PRMT3: variants seen among roughly 807,000 people sequenced by gnomAD.
The protein encoded by PRMT3 is protein arginine methyltransferase 3.
PRMT3 carries 62 observed loss-of-function variants against 71.9 expected under a neutral mutation model. The observed-to-expected ratio is 0.86, with a 90% CI of 0.70 to 1.07. The LOEUF (loss-of-function observed/expected upper bound fraction) is 1.07. Ranked by LOEUF, PRMT3 falls within the 50% of genes least tolerant of loss-of-function variation. The pLI is 0.00. For synonymous variants in PRMT3, 213 were observed against 220.4 expected (o/e 0.97, Z 0.30); for missense variants, 663 against 643.0 (o/e 1.03, Z -0.34).
intron 13 of PRMT3, among the ~76,000 whole-genome samples, chr11:20,485,708 T>A (rs977346969): frequency 6.6e-6 from 1 of 152,164 alleles, no homozygotes; most frequent in African/African-American, 2.4e-5. Context: ...AGAAAAGGTC[T>A]AATTACATAT....
chr11:20,411,642 G>A (rs1849194423), intron 9 of PRMT3, among the ~76,000 whole-genome samples: 2 of 152,036 alleles, frequency 1.3e-5, no homozygotes, highest in African/African-American at 4.8e-5. Flanking sequence ...TTGTGACAAA[G>A]ATCACTACTA....
At chr11:20,435,389 A>G (rs536505681) in intron 10 of PRMT3, among the ~76,000 whole-genome samples, 1 of 152,018 alleles carries the variant, frequency 6.6e-6, no homozygotes, top group Non-Finnish European at 1.5e-5. Flanking sequence ...TTCAGTAGAG[A>G]TGGGGTTTTG....
At chr11:20,476,807 A>G (rs553916991) in intron 13 of PRMT3, among the ~76,000 whole-genome samples, 1 of 152,000 alleles carries the variant, frequency 6.6e-6, no homozygotes, top group Admixed American at 6.6e-5. Flanking sequence ...GAATTCCTTG[A>G]CATTTATAAT....
intron 14 of PRMT3, 75 bp downstream of exon 14, chr11:20,494,044 G>C: frequency 6.9e-7 from 1 of 1,458,834 alleles, no homozygotes; most frequent in East Asian, 2.3e-5. Context: ...GCCCCAAGGT[G>C]TTTAATCATA....
intron 13 of PRMT3, among the ~76,000 whole-genome samples, chr11:20,465,153 T>C (rs1403445857): frequency 6.6e-6 from 1 of 152,090 alleles, no homozygotes; most frequent in Non-Finnish European, 1.5e-5. Context: ...TTTCGATGAC[T>C]CATTACATGG....
intron 2 of PRMT3, 33 bp downstream of exon 2, chr11:20,388,187 A>G (rs756728078): frequency 6.2e-7 from 1 of 1,611,724 alleles, no homozygotes; most frequent in East Asian, 2.2e-5. Context: ...CCTCTGCCCT[A>G]GGGTGCCCGG....
chr11:20,406,432 A>G (rs1006473308), intron 8 of PRMT3: 4 of 152,228 alleles, frequency 2.6e-5, no homozygotes, highest in African/African-American at 7.2e-5. Flanking sequence ...TGCACTTAGC[A>G]TAATGTCCTC....
At chr11:20,497,614 G>A (rs1346907828) in intron 15 of PRMT3, among the ~76,000 whole-genome samples, 3 of 152,128 alleles carry the variant, frequency 2.0e-5, no homozygotes. Context: ...ACTGAAGAGG[G>A]TAAGCTCATC....
intron 10 of PRMT3, among the ~76,000 whole-genome samples, chr11:20,447,436 C>T (rs1281644196): frequency 1.3e-5 from 2 of 151,860 alleles, no homozygotes. Flanking sequence ...TTTATCTGGC[C>T]CAAAATGTCA....
Position 20,396,773 on chromosome 11 carries a change from C to T in PRMT3, c.561-804C>T, listed in dbSNP as rs188046590. ...GTAGTACTTTTCAAAGTTTAATGTG[C>T]ATAGGAATCAACTGGGATCGTGTTA... is the stretch of plus-strand genomic sequence containing the variant. On this transcript the variant is annotated intron_variant, in intron 6 of 15. Coordinates refer to ENST00000331079, the MANE Select transcript of PRMT3 (RefSeq NM_005788.4). 5.7e-3 allele frequency among the ~76,000 whole-genome samples: 867 copies of T among 152,210 alleles called. 12 individuals are homozygous for T. The highest frequency in any genetic ancestry group is 0.02 in the African/African-American group (825 of 41,536).
chr11:20,484,878 A>C (rs1410955106), intron 13 of PRMT3, among the ~76,000 whole-genome samples: 1 of 152,224 alleles, frequency 6.6e-6, no homozygotes, highest in African/African-American at 2.4e-5. Context: ...TTAACAAATA[A>C]GGAAGTACTA....
chr11:20,486,664 AAGAC>A (rs912908869), intron 13 of PRMT3, among the ~76,000 whole-genome samples: 4 of 152,138 alleles, frequency 2.6e-5, no homozygotes, highest in East Asian at 1.9e-4. Flanking sequence ...AGAAGAAAAA[AAGAC>A]AGAAGAAATT....
At chr11:20,491,666 A>G (rs1277553062) in intron 13 of PRMT3, among the ~76,000 whole-genome samples, 1 of 151,988 alleles carries the variant, frequency 6.6e-6, no homozygotes, top group African/African-American at 2.4e-5. Context: ...CTAGGCCTTT[A>G]CTTGTTGGTT....
chr11:20,503,150 AT>A (rs895809904), intron 15 of PRMT3, among the ~76,000 whole-genome samples: 2 of 151,812 alleles, frequency 1.3e-5, no homozygotes, highest in African/African-American at 4.8e-5. Context: ...GCTTTATAGA[AT>A]TTTTTTTCAT....
chr11:20,396,101 T>G, intron 6 of PRMT3, 139 bp downstream of exon 6: 1 of 745,974 alleles, frequency 1.3e-6, no homozygotes, highest in Non-Finnish European at 2.1e-6. Context: ...GTTAAAGATA[T>G]GTAGCATTTT....
intron 5 of PRMT3, chr11:20,393,942 G>A (rs1027326995): frequency 2.6e-5 from 4 of 152,176 alleles, no homozygotes; most frequent in African/African-American, 7.2e-5. Context: ...TGGTGAATTA[G>A]ATAGTGAATG....
Position 20,397,662 on chromosome 11 carries a change from G to C in PRMT3, c.646G>C (p.Glu216Gln), listed in dbSNP as rs1308289627. The change falls in exon 7 of 16, where the codon GAG becomes CAG. Residue 216 changes from glutamate to glutamine, a missense_variant. Glu to Gln is a conservative substitution (Grantham distance 29). Transcript: ENST00000331079. Reference sequence around the variant, plus strand: ...TGTCATTGCGGACCTCCAGGAGGATGAGGATGGTGTTTATTTCAGCTCATA... The same window carrying C: ...TGTCATTGCGGACCTCCAGGAGGATCAGGATGGTGTTTATTTCAGCTCATA... ...TSVIADLQED[E>Q]DGVYFSSYGH... 1 of 1,614,192 alleles carries C rather than the reference G, an allele frequency of 6.2e-7. No individual in the cohort carries two copies. Among genetic ancestry groups the C allele is most frequent in the South Asian group, 1.1e-5 (1 of 91,082 alleles).
At chr11:20,491,382 G>A (rs1477159805) in intron 13 of PRMT3, among the ~76,000 whole-genome samples, 1 of 152,170 alleles carries the variant, frequency 6.6e-6, no homozygotes, top group African/African-American at 2.4e-5. Context: ...TGTATGTTGA[G>A]TAATTTGAGA....
intron 7 of PRMT3, among the ~76,000 whole-genome samples, chr11:20,402,119 G>GT (rs199532613): frequency 1.2e-3 from 180 of 147,148 alleles, no homozygotes; most frequent in East Asian, 4.3e-3. Context: ...TTTTGTTTTT[G>GT]TTTTTTTTTG....
Sources: allele counts gnomAD v4.1 joint callset (sites outside exome capture counted in the v4.1 genomes callset), GRCh38; gene constraint gnomAD v4.1.1; transcripts MANE v1.5; gene names NCBI Gene and HGNC (gene_info 2026-07-23, HGNC 2026-07-21).